The following SNX29 variants were observed in gnomAD, a reference collection of about 807,000 sequenced individuals.
SNX29 encodes sorting nexin-29.
A neutral mutation model predicts 102.1 loss-of-function variants in SNX29; 78 were observed. That is an observed-to-expected ratio of 0.76 (90% CI 0.64 to 0.92). The LOEUF (loss-of-function observed/expected upper bound fraction) is 0.92, where lower values mean the gene tolerates loss of function less well. Ranked by LOEUF, SNX29 falls within the 40% of genes least tolerant of loss-of-function variation. SNX29 has a pLI of 0.00. For synonymous variants in SNX29, 580 were observed against 414.5 expected (o/e 1.40, Z -4.85); for missense variants, 1,280 against 1,061.7 (o/e 1.21, Z -2.86).
chr16:12,510,200 GGTCAT>G (rs140946096), intron 19 of SNX29, among the ~76,000 whole-genome samples: 2 of 152,276 alleles, frequency 1.3e-5, no homozygotes, highest in East Asian at 3.9e-4. Context: ...GGAATTACAG[GGTCAT>G]GTATTCTACT....
At chr16:11,981,088 C>A (rs1318077933) in intron 1 of SNX29, among the ~76,000 whole-genome samples, 1 of 152,024 alleles carries the variant, frequency 6.6e-6, no homozygotes, top group Non-Finnish European at 1.5e-5. Flanking sequence ...CTGCCTCAGC[C>A]TCTGGAGTAG....
Position 12,356,265 on chromosome 16 carries a change from G to C in SNX29, c.1885G>C (p.Asp629His), listed in dbSNP as rs578191597. Residue 629 changes from aspartate (D) to histidine (H), a missense_variant, in exon 16 of 21, where the codon GAT becomes CAT. Physicochemically the swap from Asp to His is moderately conservative, Grantham distance 81. Coordinates refer to ENST00000566228, the MANE Select transcript of SNX29 (RefSeq NM_032167.5). ...GTCCCAGATGAGGCAGGAGCTCATC[G>C]ATCTCCGGGGACCGGTGAGTGTTTC... ...LVSQMRQELI[D>H]LRGPVPGDLS... is the part of the protein sequence containing the mutation. The C allele has an allele frequency of 1.5e-5, 24 of 1,606,458 alleles. No individual in the cohort carries two copies. The highest frequency in any genetic ancestry group is 1.7e-5 in the Non-Finnish European group (20 of 1,176,842).
At chr16:12,568,390 C>CCACT in intron 20 of SNX29, 116 bp from the exon 21 acceptor site, 1 of 1,372,872 alleles carries the variant, frequency 7.3e-7, no homozygotes, top group Non-Finnish European at 9.9e-7. Context: ...ATCCAATGAG[C>CCACT]CAGTCACAGT....
chr16:12,383,566 A>G (rs2083249178), intron 16 of SNX29, among the ~76,000 whole-genome samples: 1 of 151,812 alleles, frequency 6.6e-6, no homozygotes, highest in African/African-American at 2.4e-5. Flanking sequence ...CCTCCCGAGT[A>G]GCTGGGATTA....
intron 11 of SNX29, among the ~76,000 whole-genome samples, chr16:12,123,554 AGG>A (rs2054073328): frequency 6.6e-6 from 1 of 152,104 alleles, no homozygotes; most frequent in Non-Finnish European, 1.5e-5. Flanking sequence ...ACATCTATGC[AGG>A]GGAATAATAT....
chr16:12,439,647 C>T (rs548328105), intron 18 of SNX29, among the ~76,000 whole-genome samples: 1 of 152,306 alleles, frequency 6.6e-6, no homozygotes, highest in South Asian at 2.1e-4. Flanking sequence ...TCAGTTATTT[C>T]CCACTGGGTC....
Position 12,125,605 on chromosome 16 carries a change from C to CT in SNX29, c.1403-992dup, listed in dbSNP as rs36212472. On this transcript the variant is annotated intron_variant, in intron 11 of 20. Transcript: ENST00000566228. ...AGGGGGGCTTGTGGCTGAGATCTCT[C>CT]TTTTTTTTTTTTTTTTTTTTTTTTT... is the stretch of plus-strand genomic sequence containing the variant. Among the ~76,000 whole-genome samples the CT allele has an allele frequency of 5.4e-3, 244 of 45,416 alleles. 32 individuals carry two copies. The highest frequency in any genetic ancestry group is 7.6e-3 in the South Asian group (9 of 1,190). The allele number at this position is 45,416 out of a possible 152,430, so 29.8% of individuals were successfully genotyped here. A position where few individuals can be genotyped will look rare whatever the true frequency, so the allele number is the denominator to read the frequency against.
chr16:12,052,381 T>TA, intron 8 of SNX29, 159 bp downstream of exon 8: 1 of 703,314 alleles, frequency 1.4e-6, no homozygotes, highest in African/African-American at 1.8e-5. Context: ...CACACCCAGC[T>TA]AATTTTTGTA....
intron 15 of SNX29, among the ~76,000 whole-genome samples, chr16:12,293,899 A>C (rs1873539247): frequency 6.6e-6 from 1 of 152,204 alleles, no homozygotes; most frequent in Admixed American, 6.5e-5. Flanking sequence ...CACTTTATTT[A>C]TCTCATGTGA....
chr16:12,540,238 G>A (rs148194733), intron 20 of SNX29, among the ~76,000 whole-genome samples: 35 of 152,124 alleles, frequency 2.3e-4, no homozygotes, highest in Non-Finnish European at 3.8e-4. Flanking sequence ...TGGCTGACCC[G>A]CTCCCCCCAC....
At chr16:12,011,763 C>A (rs1199520689) in intron 3 of SNX29, among the ~76,000 whole-genome samples, 3 of 152,068 alleles carry the variant, frequency 2.0e-5, no homozygotes, top group Non-Finnish European at 2.9e-5. Flanking sequence ...TACCTTCATG[C>A]CTCCTTCAGC....
chr16:12,094,860 G>GC (rs1329693647), intron 11 of SNX29, among the ~76,000 whole-genome samples: 1 of 151,946 alleles, frequency 6.6e-6, no homozygotes, highest in Non-Finnish European at 1.5e-5. Flanking sequence ...TTTGTCTTAG[G>GC]CTTTTTTTTT....
chr16:12,277,808 GTGTT>G, intron 14 of SNX29, 121 bp from the exon 15 acceptor site: 1 of 705,414 alleles, frequency 1.4e-6, no homozygotes, highest in Non-Finnish European at 2.4e-6. Context: ...GTGTGTGTGT[GTGTT>G]TTTCTTGAGA....
chr16:12,249,205 G>A (rs913779456), intron 14 of SNX29, among the ~76,000 whole-genome samples: 1 of 152,188 alleles, frequency 6.6e-6, no homozygotes, highest in Non-Finnish European at 1.5e-5. Context: ...AGCTCATGGC[G>A]GAAATGATTG....
chr16:12,154,730 T>C (rs548226282), intron 13 of SNX29, among the ~76,000 whole-genome samples: 4 of 152,244 alleles, frequency 2.6e-5, no homozygotes, highest in Admixed American at 1.3e-4. Flanking sequence ...AAGATCAAGG[T>C]GCCAGCAGAT....
chr16:12,427,400 A>G (rs1283714593), intron 18 of SNX29, among the ~76,000 whole-genome samples: 1 of 151,962 alleles, frequency 6.6e-6, no homozygotes, highest in Non-Finnish European at 1.5e-5. Context: ...AGGAACCAAC[A>G]ATGGCTTTCT....
chr16:12,528,845 T>TC (rs2076856573), intron 20 of SNX29, among the ~76,000 whole-genome samples: 1 of 152,192 alleles, frequency 6.6e-6, no homozygotes, highest in African/African-American at 2.4e-5. Flanking sequence ...GGAATGGTGG[T>TC]CCCATTCTGG....
intron 14 of SNX29, among the ~76,000 whole-genome samples, chr16:12,272,326 TGA>T (rs897632679): frequency 6.6e-6 from 1 of 152,222 alleles, no homozygotes; most frequent in Non-Finnish European, 1.5e-5. Flanking sequence ...TGAATTGTGA[TGA>T]GCAGGACCTC....
intron 20 of SNX29, among the ~76,000 whole-genome samples, chr16:12,557,015 A>ACCCCCCCCCC (rs11387141): frequency 1.9e-4 from 6 of 31,802 alleles, no homozygotes; most frequent in African/African-American, 5.5e-4. Flanking sequence ...TGGCTAATTT[A>ACCCCCCCCCC]CCCCCCCCCC....
Sources: allele counts gnomAD v4.1 joint callset (sites outside exome capture counted in the v4.1 genomes callset), GRCh38; gene constraint gnomAD v4.1.1; transcripts MANE v1.5; gene names NCBI Gene and HGNC (gene_info 2026-07-23, HGNC 2026-07-21).